The following WDR70 variants were observed in gnomAD, a reference collection of about 807,000 sequenced individuals.
WDR70 encodes WD repeat domain 70.
WDR70 carries 53 observed loss-of-function variants against 88.6 expected under a neutral mutation model. That is an observed-to-expected ratio of 0.60 (90% CI 0.48 to 0.75). The LOEUF is 0.75. WDR70 is among the 30% of genes least tolerant of loss of function. The pLI is 0.00. For missense variants in WDR70, 610 were observed against 823.2 expected, an observed-to-expected ratio of 0.74 and a Z score of 3.17; for synonymous variants, 280 against 270.0, an observed-to-expected ratio of 1.04 and a Z score of -0.36.
intron 5 of WDR70, among the ~76,000 whole-genome samples, chr5:37,414,093 C>T (rs1022260979): frequency 2.1e-5 from 3 of 144,084 alleles, no homozygotes; most frequent in African/African-American, 7.7e-5. Flanking sequence ...TGCGGTGAGC[C>T]TTGATTGCGC....
At chr5:37,680,245 C>G (rs1357167953) in intron 10 of WDR70, among the ~76,000 whole-genome samples, 1 of 150,922 alleles carries the variant, frequency 6.6e-6, no homozygotes, top group Non-Finnish European at 1.5e-5. Context: ...TTTTTAATGG[C>G]ATTGTTTTTT....
intron 9 of WDR70, among the ~76,000 whole-genome samples, chr5:37,577,480 CA>C (rs1743092667): frequency 6.6e-6 from 1 of 151,816 alleles, no homozygotes; most frequent in Admixed American, 6.6e-5. Context: ...GCCAGCCAAT[CA>C]ATCAAAAAAA....
intron 8 of WDR70, among the ~76,000 whole-genome samples, chr5:37,490,631 G>A (rs978954304): frequency 5.3e-5 from 8 of 152,106 alleles, no homozygotes; most frequent in African/African-American, 1.7e-4. Flanking sequence ...GGCTGCAGCA[G>A]CAGGCAGGGA....
At chr5:37,557,961 T>TGAAAACTCTTCTACAGA (rs1176435994) in intron 9 of WDR70, among the ~76,000 whole-genome samples, 1 of 148,286 alleles carries the variant, frequency 6.7e-6, no homozygotes, top group Non-Finnish European at 1.5e-5. Flanking sequence ...AAGAGTATTA[T>TGAAAACTCTTCTACAGA]GTATATTTAT....
At position 37,726,875 on chromosome 5, in the gene WDR70, T is replaced by G. The variant is rs751243783; in HGVS notation, c.1715-8T>G. 6 of 1,574,936 alleles carry G rather than the reference T, an allele frequency of 3.8e-6. No individual in the cohort carries two copies. The highest frequency in any genetic ancestry group is 5.1e-6 in the Non-Finnish European group (6 of 1,165,254). On this transcript the variant is annotated splice_polypyrimidine_tract_variant and splice_region_variant and intron_variant, in intron 16 of 17. Transcript: ENST00000265107. ...GTTTCTAATTTGGTTTTTTTTCTTTTGCAATAGGTCGTGGTGGCCGAGTTG... is the reference window on the plus strand; with the variant it reads ...GTTTCTAATTTGGTTTTTTTTCTTTGGCAATAGGTCGTGGTGGCCGAGTTG...
chr5:37,552,609 C>A (rs1306103765), intron 9 of WDR70, among the ~76,000 whole-genome samples: 2 of 152,064 alleles, frequency 1.3e-5, no homozygotes, highest in East Asian at 3.8e-4. Flanking sequence ...AAAAGGGGTC[C>A]CACAGAAGTG....
chr5:37,499,196 C>T (rs2112213555), intron 8 of WDR70, among the ~76,000 whole-genome samples: 1 of 152,058 alleles, frequency 6.6e-6, no homozygotes, highest in South Asian at 2.1e-4. Flanking sequence ...TCACTGCAAC[C>T]TCCACTCCCC....
intron 5 of WDR70, among the ~76,000 whole-genome samples, chr5:37,398,372 A>G (rs1431483310): frequency 6.6e-6 from 1 of 152,130 alleles, no homozygotes; most frequent in African/African-American, 2.4e-5. Flanking sequence ...GGCGTGAGCC[A>G]CTGCGCCCGG....
intron 5 of WDR70, among the ~76,000 whole-genome samples, chr5:37,437,311 C>T (rs1207394901): frequency 6.6e-6 from 1 of 152,014 alleles, no homozygotes; most frequent in African/African-American, 2.4e-5. Flanking sequence ...TATATAGTTA[C>T]CCTGTGAAGG....
At chr5:37,436,002 A>C (rs529841315) in intron 5 of WDR70, among the ~76,000 whole-genome samples, 1 of 152,168 alleles carries the variant, frequency 6.6e-6, no homozygotes, top group South Asian at 2.1e-4. Context: ...ATAGGTAAAA[A>C]ATTACAATGT....
At chr5:37,504,487 A>G (rs1180799607) in intron 8 of WDR70, among the ~76,000 whole-genome samples, 1 of 152,206 alleles carries the variant, frequency 6.6e-6, no homozygotes, top group African/African-American at 2.4e-5. Flanking sequence ...CTTCAAGTGA[A>G]TGAATAACAT....
At chr5:37,713,825 T>C (rs1747582717) in intron 13 of WDR70, among the ~76,000 whole-genome samples, 1 of 152,214 alleles carries the variant, frequency 6.6e-6, no homozygotes. Context: ...TGAAGGACTT[T>C]ATGTCTTGTA....
chr5:37,543,104 G>T (rs1315823236), intron 9 of WDR70, among the ~76,000 whole-genome samples: 1 of 152,180 alleles, frequency 6.6e-6, no homozygotes, highest in East Asian at 1.9e-4. Flanking sequence ...AAGGTCAGTT[G>T]TCTCAGCTCA....
At chr5:37,448,976 C>T (rs972327600) in intron 7 of WDR70, among the ~76,000 whole-genome samples, 8 of 152,182 alleles carry the variant, frequency 5.3e-5, no homozygotes, top group African/African-American at 1.9e-4. Flanking sequence ...AAGTGGCTTT[C>T]TTATTACATC....
chr5:37,567,406 C>T (rs1278005957), intron 9 of WDR70, among the ~76,000 whole-genome samples: 1 of 152,090 alleles, frequency 6.6e-6, no homozygotes, highest in Admixed American at 6.5e-5. Context: ...TAACTTGATG[C>T]TCTTATGTAA....
intron 2 of WDR70, among the ~76,000 whole-genome samples, chr5:37,381,326 C>T (rs1023675415): frequency 2.6e-5 from 4 of 152,162 alleles, no homozygotes; most frequent in African/African-American, 9.7e-5. Context: ...ACTTTTGGGG[C>T]ATTCTCCATT....
intron 8 of WDR70, among the ~76,000 whole-genome samples, chr5:37,504,530 G>T (rs371820028): frequency 1.1e-4 from 17 of 152,098 alleles, no homozygotes; most frequent in African/African-American, 4.1e-4. Context: ...AGTACAGAAT[G>T]AAATGATTTA....
intron 10 of WDR70, among the ~76,000 whole-genome samples, chr5:37,665,243 A>G (rs768014946): frequency 2.0e-5 from 3 of 152,122 alleles, no homozygotes; most frequent in Admixed American, 1.3e-4. Flanking sequence ...ATTCACCTAT[A>G]TTCTCATCAC....
intron 9 of WDR70, among the ~76,000 whole-genome samples, chr5:37,539,831 G>T (rs1741763910): frequency 6.6e-6 from 1 of 152,188 alleles, no homozygotes; most frequent in Non-Finnish European, 1.5e-5. Flanking sequence ...TACAGCACAG[G>T]AATAATAGGC....
Sources: gnomAD v4.1 joint callset for allele counts (sites outside exome capture counted in the v4.1 genomes callset) on GRCh38, gnomAD v4.1.1 for gene constraint, MANE v1.5 for transcripts, NCBI Gene and HGNC (gene_info 2026-07-23, HGNC 2026-07-21) for gene names.